Variants in C8G observed in about 807,000 individuals in gnomAD.
C8G encodes complement C8 gamma chain.
In C8G, 38 loss-of-function variants were observed where a neutral mutation model predicts 29.1. The observed-to-expected ratio is 1.31, with a 90% CI of 1.01 to 1.71. The LOEUF is 1.71. C8G is among the 40% of genes most tolerant of loss of function. The pLI, the probability that C8G is intolerant of heterozygous loss-of-function variation, is 0.00. For synonymous variants in C8G, 158 were observed against 113.2 expected, an observed-to-expected ratio of 1.40 and a Z score of -2.51; for missense variants, 300 against 267.4, an observed-to-expected ratio of 1.12 and a Z score of -0.85.
chr9:136,946,791 A>G lies in C8G; in HGVS notation c.*10A>G, dbSNP rs1489108885. On this transcript the variant is annotated 3_prime_UTR_variant, in exon 7 of 7. Transcript: ENST00000371634. ...AGAAGTGAGGAGGTGAGGCCGGCAC[A>G]CAGCTCCAGTGCTGAGAAGTCAGTG... 8.2e-6 allele frequency: 13 copies of G among 1,577,194 alleles called. No homozygotes were observed. Among genetic ancestry groups the G allele is most frequent in the Non-Finnish European group, 1.1e-5 (13 of 1,166,348 alleles).
rs762654152 is a variant in C8G, at chr9:136,946,161, G to A, written c.423G>A (p.Glu141=). The A allele has an allele frequency of 1.3e-5, 21 of 1,569,150 alleles. 1 individual carries two copies. In the South Asian group the frequency reaches 2.1e-4, roughly 16 times the overall value. Residue 141 remains glutamate (E), a synonymous_variant, in exon 4 of 7, where the codon GAG becomes GAA. Transcript: ENST00000371634. The part of the protein sequence containing the change: ...DYQSFAVLYL[E]RAGQLSVKLY... ...AGAGTTTCGCTGTCCTGTACCTGGA[G>A]CGGGCGGGGCAGCTGTCAGTGAAGC...
chr9:136,945,563 G>C, intron 1 of C8G, 71 bp from the exon 2 acceptor site: 1 of 1,569,966 alleles, frequency 6.4e-7, no homozygotes, highest in Non-Finnish European at 8.7e-7. Flanking sequence ...TGAAGTTGTG[G>C]GGGGTGTAGA....
In C8G at chr9:136,946,449, C is replaced by A; in HGVS notation, c.455-16C>A. The A allele has an allele frequency of 1.3e-6, 2 of 1,576,874 alleles. No individual in the cohort carries two copies. The highest frequency in any genetic ancestry group is 1.2e-5 in the South Asian group (1 of 85,690). The stretch of plus-strand genomic sequence containing the variant: ...CGCCTGGTGCCAGGACCCCAGGAAC[C>A]CTGTCTGCCCTGCAGCCCGCTCGCT... On this transcript the variant is annotated splice_polypyrimidine_tract_variant and intron_variant, in intron 4 of 6. Transcript: ENST00000371634.
rs1243490217 is a variant in C8G, at chr9:136,946,152, G to A, written c.414G>A (p.Leu138=). Residue 138 remains leucine (L), a synonymous_variant, in exon 4 of 7, where the codon CTG becomes CTA. Coordinates refer to ENST00000371634, the MANE Select transcript of C8G (RefSeq NM_000606.3). Reference sequence around the variant, plus strand: ...CCGACTACCAGAGTTTCGCTGTCCTGTACCTGGAGCGGGCGGGGCAGCTGT... The same window carrying A: ...CCGACTACCAGAGTTTCGCTGTCCTATACCTGGAGCGGGCGGGGCAGCTGT... ...AETDYQSFAV[L]YLERAGQLSV... is the part of the protein sequence containing the mutation. 1 of 1,576,346 alleles carries A rather than the reference G, an allele frequency of 6.3e-7. No homozygotes were observed. The highest frequency in any genetic ancestry group is 1.2e-5 in the South Asian group (1 of 86,334).
At chr9:136,945,810 CCT>C (rs748380602) in intron 2 of C8G, 40 bp downstream of exon 2, 4 of 1,539,182 alleles carry the variant, frequency 2.6e-6, no homozygotes, top group Non-Finnish European at 3.5e-6. Context: ...CCCCAACCCT[CCT>C]CTCAGCCCCC....
In C8G at chr9:136,945,719, T is replaced by C. The variant is rs1237386680; in HGVS notation, c.224T>C (p.Leu75Pro). 1.3e-6 allele frequency: 2 copies of C among 1,583,128 alleles called. No individual in the cohort carries two copies. Among genetic ancestry groups the C allele is most frequent in the Admixed American group, 3.6e-5 (2 of 56,066 alleles). ...GGCCACCGGGCCGAGGCCACCACAC[T>C]GCATGTGGCTCCCCAGGGCACAGCC... ...EQGHRAEATTLHVAPQGTAMA... is the reference protein window; with the variant it reads ...EQGHRAEATTPHVAPQGTAMA... Residue 75 changes from leucine (L) to proline (P), a missense_variant, in exon 2 of 7, where the codon CTG (leucine) becomes CCG (proline). Physicochemically the swap from Leu to Pro is moderately conservative, Grantham distance 98. Transcript: ENST00000371634.
rs748008792 is a variant in C8G, at chr9:136,946,761, G to A, written c.596-7G>A. The A allele has an allele frequency of 8.7e-6, 14 of 1,601,878 alleles. No individual in the cohort carries two copies. In the Admixed American group the frequency reaches 1.0e-4, roughly 12 times the overall value. ...CTGCCACCGGCTGAGTCTCGTCTCTGCTGCAGAAGTGAGGAGGTGAGGCCG... is the reference window on the plus strand; with the variant it reads ...CTGCCACCGGCTGAGTCTCGTCTCTACTGCAGAAGTGAGGAGGTGAGGCCG... On this transcript the variant is annotated splice_polypyrimidine_tract_variant and splice_region_variant and intron_variant, in intron 6 of 6. Coordinates refer to ENST00000371634, the MANE Select transcript of C8G (RefSeq NM_000606.3).
In C8G at chr9:136,946,886, C is replaced by T; in HGVS notation, c.*105C>T. Reference sequence around the variant, plus strand: ...CCGTGAAACCAGCCTCAGATCAGGGCCCTGCCACCCAGGGCAGGGGATCTT... The same window carrying T: ...CCGTGAAACCAGCCTCAGATCAGGGTCCTGCCACCCAGGGCAGGGGATCTT... On this transcript the variant is annotated 3_prime_UTR_variant, in exon 7 of 7. Coordinates refer to ENST00000371634, the MANE Select transcript of C8G (RefSeq NM_000606.3). The T allele has an allele frequency of 7.1e-7, 1 of 1,404,248 alleles. No homozygotes were observed. 87.0% of individuals were successfully genotyped at this position (1,404,248 alleles called of 1,614,324 possible).
chr9:136,946,437 G>A (rs1851043200), intron 4 of C8G, 28 bp from the exon 5 acceptor site: 3 of 1,558,674 alleles, frequency 1.9e-6, no homozygotes, highest in Non-Finnish European at 2.6e-6. Flanking sequence ...CTGGTGCCAG[G>A]ACCCCAGGAA....
intron 2 of C8G, 43 bp downstream of exon 2, chr9:136,945,813 C>A: frequency 6.5e-7 from 1 of 1,539,414 alleles, no homozygotes; most frequent in South Asian, 1.2e-5. Context: ...CAACCCTCCT[C>A]TCAGCCCCCG....
chr9:136,946,273 G>A (rs936417717), intron 4 of C8G, 81 bp downstream of exon 4: 2 of 1,393,630 alleles, frequency 1.4e-6, no homozygotes, highest in Non-Finnish European at 2.0e-6. Context: ...GGCTGGGTGA[G>A]CCCATGGGGA....
chr9:136,946,325 G>A, intron 4 of C8G, 133 bp downstream of exon 4: 1 of 1,380,596 alleles, frequency 7.2e-7, no homozygotes, highest in Non-Finnish European at 9.8e-7. Context: ...GCTAAGCAGG[G>A]GCCCAGGGAG....
chr9:136,945,939 T>C lies in C8G; in HGVS notation c.286T>C (p.Cys96Arg). The C allele has an allele frequency of 1.3e-6, 2 of 1,563,762 alleles. No homozygotes were observed. Among genetic ancestry groups the C allele is most frequent in the Non-Finnish European group, 1.7e-6 (2 of 1,154,440 alleles). ...VSTFRKLDGI[C>R]WQVRQLYGDT... ...TCCCCGCCCCCCCAGGGATGGGATC[T>C]GCTGGCAGGTGCGCCAGCTCTATGG... The change falls in exon 3 of 7, where the codon TGC becomes CGC. Residue 96 changes from cysteine to arginine, a missense_variant. Coordinates refer to ENST00000371634, the MANE Select transcript of C8G (RefSeq NM_000606.3).
rs750250053 is a variant in C8G at position 136,945,693 on chromosome 9, GGGCCACCGGGCCGA to G, written c.206_219del (p.Arg69HisfsTer56). The G allele has an allele frequency of 1.3e-6, 2 of 1,599,246 alleles. No homozygotes were observed. The highest frequency in any genetic ancestry group is 1.1e-5 in the South Asian group (1 of 89,290). On this transcript the variant is annotated frameshift_variant, in exon 2 of 7. Coordinates refer to ENST00000371634, the MANE Select transcript of C8G (RefSeq NM_000606.3). LOFTEE classifies it high-confidence loss of function. ...CCGCTTGCCGTTTCCTGCAGGAGCA[GGGCCACCGGGCCGA>G]GGCCACCACACTGCATGTGGCTCCC...
At position 136,946,126 on chromosome 9, in the gene C8G, A is replaced by T; in HGVS notation, c.388A>T (p.Thr130Ser). Residue 130 changes from threonine (T) to serine (S), a missense_variant, in exon 4 of 7, where the codon ACC (threonine) becomes TCC (serine). Transcript: ENST00000371634. Reference sequence around the variant, plus strand: ...GGCTGTGCACGTGGTTGTCGCTGAGACCGACTACCAGAGTTTCGCTGTCCT... The same window carrying T: ...GGCTGTGCACGTGGTTGTCGCTGAGTCCGACTACCAGAGTTTCGCTGTCCT... ...RGAVHVVVAE[T>S]DYQSFAVLYL... 1 of 1,588,350 alleles carries T rather than the reference A, an allele frequency of 6.3e-7. No individual in the cohort carries two copies. The highest frequency in any genetic ancestry group is 8.6e-7 in the Non-Finnish European group (1 of 1,164,442).
Position 136,945,313 on chromosome 9 carries a change from C to A in C8G, c.-8C>A. On this transcript the variant is annotated 5_prime_UTR_variant, in exon 1 of 7. Coordinates refer to ENST00000371634, the MANE Select transcript of C8G (RefSeq NM_000606.3). ...CTCCCACAGTCCTGCCACCCTGCTG[C>A]CGCCACCATGCTGCCCCCTGGGACT... 6.3e-7 allele frequency: 1 copy of A among 1,595,992 alleles called. No homozygotes were observed. Among genetic ancestry groups the A allele is most frequent in the Non-Finnish European group, 8.6e-7 (1 of 1,168,994 alleles).
At position 136,945,247 on chromosome 9, in the gene C8G, G is replaced by A; in HGVS notation, c.-74G>A. The stretch of plus-strand genomic sequence containing the variant: ...TCCTGGGCTGGGCTCTGTGACAGCA[G>A]AGTAGACTCTGTCCTGGGACTTGGT... On this transcript the variant is annotated 5_prime_UTR_variant, in exon 1 of 7. Coordinates refer to ENST00000371634, the MANE Select transcript of C8G (RefSeq NM_000606.3). The A allele has an allele frequency of 2.0e-6, 3 of 1,513,518 alleles. No homozygotes were observed. Among genetic ancestry groups the A allele is most frequent in the Non-Finnish European group, 1.8e-6 (2 of 1,129,868 alleles). 93.8% of individuals were successfully genotyped at this position (1,513,518 alleles called of 1,614,324 possible). A position where few individuals can be genotyped will look rare whatever the true frequency, so the allele number is the denominator to read the frequency against.
intron 4 of C8G, 80 bp from the exon 5 acceptor site, chr9:136,946,385 C>T (rs773995974): frequency 8.1e-6 from 12 of 1,484,248 alleles, no homozygotes; most frequent in Admixed American, 2.5e-5. Context: ...CCCGAGGGGG[C>T]AGGGGACACA....
intron 4 of C8G, 82 bp downstream of exon 4, chr9:136,946,274 C>T: frequency 7.2e-6 from 10 of 1,381,108 alleles, no homozygotes; most frequent in Non-Finnish European, 9.9e-6. Flanking sequence ...GCTGGGTGAG[C>T]CCATGGGGAC....
Sources: gnomAD v4.1 joint callset for allele counts on GRCh38, gnomAD v4.1.1 for gene constraint, MANE v1.5 for transcripts, NCBI Gene and HGNC (gene_info 2026-07-23, HGNC 2026-07-21) for gene names.